Variants in RABGAP1 observed in about 807,000 individuals in gnomAD.
RABGAP1 encodes rab GTPase-activating protein 1.
In RABGAP1, 23 loss-of-function variants were observed where a neutral mutation model predicts 137.6. The ratio of observed to expected loss-of-function variants is 0.17; its 90% CI spans 0.12 to 0.24. The LOEUF (loss-of-function observed/expected upper bound fraction) is 0.24. Ranked by LOEUF, RABGAP1 falls within the 10% of genes least tolerant of loss-of-function variation. RABGAP1 has a pLI of 1.00. For synonymous variants in RABGAP1, 451 were observed against 450.7 expected (o/e 1.00, Z -0.01); for missense variants, 906 against 1,275.8 (o/e 0.71, Z 4.42).
chr9:123,063,442 G>A (rs1430610763), intron 13 of RABGAP1: 4 of 152,670 alleles, frequency 2.6e-5, no homozygotes, highest in African/African-American at 9.6e-5. Flanking sequence ...GAATCACTGG[G>A]TTGTATGGTA....
rs114582642 is a variant in RABGAP1, at chr9:122,961,404, C to T, written c.150+4195C>T. On this transcript the variant is annotated intron_variant, in intron 2 of 25. Coordinates refer to ENST00000373647, the MANE Select transcript of RABGAP1 (RefSeq NM_012197.4). ...GCACTTAAACCAAAAAAACTGTTAA[C>T]CAACAATTCTATGTCCAGCAAAGCT... is the stretch of plus-strand genomic sequence containing the variant. Among the ~76,000 whole-genome samples, 424 of 152,290 alleles carry T rather than the reference C, an allele frequency of 2.8e-3. 3 individuals are homozygous for T. The highest frequency in any genetic ancestry group is 9.7e-3 in the African/African-American group (402 of 41,564).
chr9:123,058,050 A>AGAGGGGGAGAG (rs1564167223), intron 13 of RABGAP1, among the ~76,000 whole-genome samples: 1 of 136,836 alleles, frequency 7.3e-6, no homozygotes. Context: ...GTGGAAAGAG[A>AGAGGGGGAGAG]GGGGAGAGGG....
In RABGAP1 at chr9:122,954,595, C is replaced by T. The variant is rs369999146; in HGVS notation, c.-49-2416C>T. ...AGTGTCTGAGACCAGAGCTTTAGAC[C>T]ACTTTCCCAGGCCCTCTGGCATCCA... On this transcript the variant is annotated intron_variant, in intron 1 of 25. Transcript: ENST00000373647. Among the ~76,000 whole-genome samples, 5 of 152,202 alleles carry T rather than the reference C, an allele frequency of 3.3e-5. No homozygotes were observed. The East Asian group carries it at 7.7e-4, about 24-fold the overall frequency.
At chr9:122,955,731 A>G (rs1834483251) in intron 1 of RABGAP1, among the ~76,000 whole-genome samples, 1 of 152,150 alleles carries the variant, frequency 6.6e-6, no homozygotes, top group Non-Finnish European at 1.5e-5. Context: ...TTCTCCTGCC[A>G]GATGTTTATA....
At position 123,076,294 on chromosome 9, in the gene RABGAP1, T is replaced by C. The variant is rs775877129; in HGVS notation, c.2295+8T>C. On this transcript the variant is annotated splice_region_variant and intron_variant, in intron 18 of 25. Transcript: ENST00000373647. ...GCCCTTGGATTATTAAAGGTACTCATTTATTTATTAGCTGAGTTATCTGTC... is the reference window on the plus strand; with the variant it reads ...GCCCTTGGATTATTAAAGGTACTCACTTATTTATTAGCTGAGTTATCTGTC... 7.5e-6 allele frequency: 12 copies of C among 1,604,602 alleles called. No homozygotes were observed. The highest frequency in any genetic ancestry group is 4.4e-5 in the South Asian group (4 of 90,272).
At chr9:123,016,385 T>A (rs982603727) in intron 12 of RABGAP1, among the ~76,000 whole-genome samples, 8 of 152,152 alleles carry the variant, frequency 5.3e-5, no homozygotes, top group African/African-American at 1.9e-4. Flanking sequence ...CGCACACCTG[T>A]GGTTCCAGCT....
At chr9:122,949,697 A>AAAC in intron 1 of RABGAP1, among the ~76,000 whole-genome samples, 1 of 150,506 alleles carries the variant, frequency 6.6e-6, no homozygotes, top group African/African-American at 2.4e-5. Flanking sequence ...CTGTCTCAAA[A>AAAC]AAAAAAAAAA....
intron 10 of RABGAP1, among the ~76,000 whole-genome samples, chr9:123,002,851 T>A (rs1837399963): frequency 6.6e-6 from 1 of 152,176 alleles, no homozygotes; most frequent in Admixed American, 6.5e-5. Flanking sequence ...CTCTGGACTC[T>A]TTATTAAGGC....
chr9:122,953,773 C>A (rs1355552730), intron 1 of RABGAP1, among the ~76,000 whole-genome samples: 1 of 152,160 alleles, frequency 6.6e-6, no homozygotes, highest in Admixed American at 6.5e-5. Flanking sequence ...GACCTCTGTT[C>A]TTTTTGTCAA....
rs575586275 is a variant in RABGAP1 at position 123,076,671 on chromosome 9, G to C, written c.2333G>C (p.Gly778Ala). Residue 778 changes from glycine to alanine, a missense_variant, in exon 19 of 26, where the codon GGT (glycine) becomes GCT (alanine). Physicochemically the swap from Gly to Ala is moderately conservative, Grantham distance 60. This residue lies in a region of RABGAP1 where 77 missense variants were observed against 105.6 expected (regional missense o/e 0.73). Transcript: ENST00000373647. ...GACCTGCTGTTGACAGACTTTGAAG[G>C]TGCCTTGAAGTTCTTTAGGGTTCAG... ...KDDLLLTDFE[G>A]ALKFFRVQLP... 1 of 1,606,670 alleles carries C rather than the reference G, an allele frequency of 6.2e-7. No individual in the cohort carries two copies. The highest frequency in any genetic ancestry group is 1.1e-5 in the South Asian group (1 of 89,820).
rs2034310457 is a variant in RABGAP1 at position 123,070,203 on chromosome 9, A to G, written c.1909-147A>G. The stretch of plus-strand genomic sequence containing the variant: ...AAAGAAAAAGTTAAGATTGGAGAGA[A>G]GTATTGGCACCACTTACTGTCTGTC... On this transcript the variant is annotated intron_variant, in intron 14 of 25. Transcript: ENST00000373647. The surrounding 1 kb of genome is among the most constrained non-coding windows in gnomAD (Gnocchi z 4.4). The G allele has an allele frequency of 1.4e-6, 2 of 1,383,270 alleles. No homozygotes were observed. Among genetic ancestry groups the G allele is most frequent in the African/African-American group, 1.5e-5 (1 of 68,568 alleles). 85.7% of individuals were successfully genotyped at this position (1,383,270 alleles called of 1,614,324 possible).
At chr9:122,949,654 C>A (rs1834120025) in intron 1 of RABGAP1, among the ~76,000 whole-genome samples, 2 of 141,236 alleles carry the variant, frequency 1.4e-5, no homozygotes, top group African/African-American at 5.6e-5. Flanking sequence ...AAGATCATAC[C>A]ACTGCATCCA....
intron 13 of RABGAP1, among the ~76,000 whole-genome samples, chr9:123,049,879 T>C (rs570120755): frequency 2.6e-5 from 4 of 152,344 alleles, no homozygotes; most frequent in Admixed American, 2.6e-4. Context: ...TTGCTTCTCA[T>C]AAACTGTGAG....
rs148659507 is a variant in RABGAP1, at chr9:122,984,637, C to A, written c.303C>A (p.Ser101=). ...ATGGGCCTCTTTCTAATCAGCTCTC[C>A]GCTTCATCCACCATTAACCCTGTGC... ...EGDGPLSNQL[S]ASSTINPVPL... The change falls in exon 3 of 26, where the codon TCC becomes TCA. Residue 101 remains serine, a synonymous_variant. Coordinates refer to ENST00000373647, the MANE Select transcript of RABGAP1 (RefSeq NM_012197.4). 6.2e-7 allele frequency: 1 copy of A among 1,614,026 alleles called. No homozygotes were observed. Among genetic ancestry groups the A allele is most frequent in the Non-Finnish European group, 8.5e-7 (1 of 1,180,024 alleles).
chr9:123,076,403 A>G (rs2034511394), intron 18 of RABGAP1, 117 bp downstream of exon 18: 2 of 1,259,814 alleles, frequency 1.6e-6, no homozygotes, highest in Non-Finnish European at 2.2e-6. Flanking sequence ...ATGACAGTGG[A>G]TGTATGCAGG....
chr9:123,038,248 A>G (rs958250333), intron 13 of RABGAP1, among the ~76,000 whole-genome samples: 1 of 152,038 alleles, frequency 6.6e-6, no homozygotes, highest in African/African-American at 2.4e-5. Flanking sequence ...TCAAAATTCC[A>G]TTTTGGAAAA....
intron 6 of RABGAP1, among the ~76,000 whole-genome samples, chr9:122,991,760 G>A (rs1389375800): frequency 6.6e-6 from 1 of 151,588 alleles, no homozygotes; most frequent in African/African-American, 2.4e-5. Context: ...ATGCCACTAT[G>A]TCTGGCTAAT....
chr9:123,007,301 C>T (rs1456696574), intron 10 of RABGAP1, among the ~76,000 whole-genome samples: 1 of 150,966 alleles, frequency 6.6e-6, no homozygotes. Flanking sequence ...TCTTGAACTC[C>T]TGGCCTCAAG....
chr9:122,959,405 T>G (rs1834727327), intron 2 of RABGAP1, among the ~76,000 whole-genome samples: 1 of 150,470 alleles, frequency 6.6e-6, no homozygotes, highest in Non-Finnish European at 1.5e-5. Context: ...TTTGGAGAGT[T>G]TTGAATGGGA....
Sources: allele counts gnomAD v4.1 joint callset (sites outside exome capture counted in the v4.1 genomes callset), GRCh38; gene constraint gnomAD v4.1.1; regional missense constraint gnomAD v4.1.1; non-coding constraint Gnocchi (gnomAD v3.1); transcripts MANE v1.5; gene names NCBI Gene and HGNC (gene_info 2026-07-23, HGNC 2026-07-21).